The following FGF13 variants were observed in gnomAD, a reference collection of about 807,000 sequenced individuals.
FGF13 encodes fibroblast growth factor homologous factor 2.
A neutral mutation model predicts 19.5 loss-of-function variants in FGF13; 2 were observed. The observed-to-expected ratio is 0.10, with a 90% CI of 0.04 to 0.32. The LOEUF (loss-of-function observed/expected upper bound fraction) is 0.32, where lower values mean the gene tolerates loss of function less well. Among genes scored for constraint, FGF13 ranks in the 10% least tolerant of loss-of-function variants. The pLI, the probability that FGF13 is intolerant of heterozygous loss-of-function variation, is 1.00. For synonymous variants in FGF13, 72 were observed against 76.9 expected (o/e 0.94, Z 0.33); for missense variants, 113 against 192.7 (o/e 0.59, Z 2.45).
chrX:138,949,196 A>T lies in FGF13; in HGVS notation c.-112-84546T>A, dbSNP rs759259656. ...GACCTTGAAGAAGGATGTAAAAAAC[A>T]TTCCTAAGGCTGCCATAACAAATTA... On this transcript the variant is annotated intron_variant, in intron 1 of 2. Coordinates refer to the FGF13 transcript ENST00000421460. Among the ~76,000 whole-genome samples the T allele has an allele frequency of 1.4e-4, 16 of 112,348 alleles. No homozygotes were observed. In the South Asian group the frequency reaches 5.9e-3, roughly 41 times the overall value.
chrX:138,795,518 C>A (rs1398734068), intron 3 of FGF13, among the ~76,000 whole-genome samples: 1 of 111,818 alleles, frequency 8.9e-6, no homozygotes, highest in East Asian at 2.8e-4. Flanking sequence ...AACACACAGC[C>A]TATGTTGGAA....
In FGF13 at chrX:138,624,362, AAT is replaced by A. The variant is rs1391281890; in HGVS notation, c.*8486_*8487del. ...TCAATAAATCGTATTTTAAACATTG[AAT>A]ATCCAAATACAAAATAATGAAATTG... On this transcript the variant is annotated 3_prime_UTR_variant, in exon 5 of 5. Transcript: ENST00000315930. 8.9e-6 allele frequency: 1 copy of A among 111,973 alleles called. No individual in the cohort carries two copies. Among genetic ancestry groups the A allele is most frequent in the African/African-American group, 3.2e-5 (1 of 30,804 alleles). The allele number at this position is 111,973 out of a possible 1,213,427, so 9.2% of individuals were successfully genotyped here.
At chrX:138,778,845 G>C (rs2090613709) in intron 3 of FGF13, among the ~76,000 whole-genome samples, 1 of 112,657 alleles carries the variant, frequency 8.9e-6, no homozygotes, top group Non-Finnish European at 1.9e-5. Flanking sequence ...TGCCTCTGTA[G>C]GCTCCACCTC....
chrX:139,129,766 G>C (rs12687894), intron 1 of FGF13, among the ~76,000 whole-genome samples: 19,846 of 110,647 alleles, frequency 0.18, 1,423 homozygotes, highest in East Asian at 0.3. Flanking sequence ...TCCTTTATTT[G>C]CTTGAAAATG....
chrX:139,100,896 G>A (rs1204914198), intron 1 of FGF13, among the ~76,000 whole-genome samples: 1 of 110,354 alleles, frequency 9.1e-6, no homozygotes, highest in African/African-American at 3.3e-5. Flanking sequence ...TATAAGAAAT[G>A]GATATACTAT....
At chrX:139,028,725 G>A (rs1309994846) in intron 1 of FGF13, among the ~76,000 whole-genome samples, 2 of 106,618 alleles carry the variant, frequency 1.9e-5, no homozygotes, top group Non-Finnish European at 1.9e-5. Flanking sequence ...GAGAGAGAGC[G>A]TGTGTGTGTG....
At chrX:138,847,681 GAATATCAGA>G (rs2091192914) in intron 3 of FGF13, among the ~76,000 whole-genome samples, 1 of 112,056 alleles carries the variant, frequency 8.9e-6, no homozygotes, top group South Asian at 3.7e-4. Flanking sequence ...TATAAGAAAT[GAATATCAGA>G]ATCCACGTAG....
intron 2 of FGF13, among the ~76,000 whole-genome samples, chrX:138,706,415 G>A (rs1022775569): frequency 8.9e-6 from 1 of 112,061 alleles, no homozygotes; most frequent in Non-Finnish European, 1.9e-5. Context: ...TCAAACATAT[G>A]TTTTCAGAAA....
intron 1 of FGF13, among the ~76,000 whole-genome samples, chrX:138,736,040 G>A (rs1453353410): frequency 8.9e-6 from 1 of 111,798 alleles, no homozygotes; most frequent in African/African-American, 3.2e-5. Flanking sequence ...TAAATTTTTA[G>A]GCCATACCCA....
intron 1 of FGF13, among the ~76,000 whole-genome samples, chrX:139,185,055 G>T (rs2084272153): frequency 8.9e-6 from 1 of 111,776 alleles, no homozygotes; most frequent in South Asian, 3.7e-4. Context: ...AGTTTGTTTT[G>T]CACTGGAACA....
chrX:138,666,736 A>T (rs775449689), intron 3 of FGF13, among the ~76,000 whole-genome samples: 1 of 111,278 alleles, frequency 9.0e-6, no homozygotes, highest in Non-Finnish European at 1.9e-5. Context: ...TTCAATTATC[A>T]TATATGAACA....
rs1241003338 is a variant in FGF13, at chrX:139,182,528, C to T, written c.-113+20888G>A. 3.6e-5 allele frequency among the ~76,000 whole-genome samples: 4 copies of T among 111,970 alleles called. No individual in the cohort carries two copies. In the Admixed American group the frequency reaches 3.8e-4, roughly 11 times the overall value. On this transcript the variant is annotated intron_variant, in intron 1 of 2. Coordinates refer to the FGF13 transcript ENST00000421460. ...TAATATTTTCATCACTGAATGACAG[C>T]AAGGCAGGAGAACTGCAGGCTCTCC...
chrX:138,978,447 A>G (rs965486501), intron 1 of FGF13, among the ~76,000 whole-genome samples: 2 of 110,102 alleles, frequency 1.8e-5, no homozygotes, highest in Admixed American at 9.6e-5. Context: ...TATTTTTAGT[A>G]GAGACGGGGT....
At chrX:138,819,074 C>T (rs1420150223) in intron 3 of FGF13, among the ~76,000 whole-genome samples, 1 of 110,771 alleles carries the variant, frequency 9.0e-6, no homozygotes, top group Non-Finnish European at 1.9e-5. Context: ...ACTTTTTTTT[C>T]GGAAGCCCCA....
intron 1 of FGF13, among the ~76,000 whole-genome samples, chrX:139,020,205 T>C (rs2092172501): frequency 9.0e-6 from 1 of 111,580 alleles, no homozygotes; most frequent in Non-Finnish European, 1.9e-5. Context: ...CAGCCTAATG[T>C]TTTTCGCTTT....
At chrX:139,195,344 G>A (rs115549674) in intron 1 of FGF13, among the ~76,000 whole-genome samples, 3,230 of 111,950 alleles carry the variant, frequency 0.029, 127 homozygotes, top group African/African-American at 0.099. Flanking sequence ...CCCCCAAGGG[G>A]AGAGGCAAGC....
chrX:138,917,146 G>A (rs1443544158), intron 1 of FGF13, among the ~76,000 whole-genome samples: 1 of 111,805 alleles, frequency 8.9e-6, no homozygotes, highest in Non-Finnish European at 1.9e-5. Flanking sequence ...TAACACTTAG[G>A]AAAATGCACG....
chrX:139,004,321 T>G (rs1235638878), intron 1 of FGF13, among the ~76,000 whole-genome samples: 3 of 112,370 alleles, frequency 2.7e-5, no homozygotes, highest in Admixed American at 9.3e-5. Flanking sequence ...CTGTTCTGAG[T>G]GCGGGGCCCG....
chrX:139,060,850 T>G (rs1450576104), intron 1 of FGF13, among the ~76,000 whole-genome samples: 1 of 111,009 alleles, frequency 9.0e-6, no homozygotes, highest in Non-Finnish European at 1.9e-5. Context: ...TATAAAGTGC[T>G]TCTTCTTTTC....
Sources: allele counts gnomAD v4.1 joint callset (sites outside exome capture counted in the v4.1 genomes callset), GRCh38; gene constraint gnomAD v4.1.1; transcripts MANE v1.5; gene names NCBI Gene and HGNC (gene_info 2026-07-23, HGNC 2026-07-21).